MASP1: variants seen among roughly 807,000 people sequenced by gnomAD.
MASP1 encodes MBL associated serine protease 1.
A neutral mutation model predicts 77.1 loss-of-function variants in MASP1; 59 were observed. That is an observed-to-expected ratio of 0.77 (90% CI 0.62 to 0.95). MASP1 has a LOEUF of 0.95. MASP1 is among the 40% of genes least tolerant of loss of function. MASP1 has a pLI of 0.00. For missense variants in MASP1, 885 were observed against 912.9 expected (o/e 0.97, Z 0.39); for synonymous variants, 362 against 354.5 (o/e 1.02, Z -0.24).
downstream of MASP1, chr3:187,229,627 A>G: frequency 8.3e-7 from 1 of 1,207,956 alleles, no homozygotes; most frequent in Non-Finnish European, 1.2e-6. Context: ...TCTAGCCGAG[A>G]ACTCTTTCTA....
chr3:187,291,564 C>A (rs1477594420), intron 1 of MASP1, 64 bp downstream of exon 1: 35 of 1,608,336 alleles, frequency 2.2e-5, no homozygotes, highest in Admixed American at 3.3e-5. Flanking sequence ...AAGGTCAGAC[C>A]TTCCCTGCTA....
chr3:187,271,801 G>T (rs182292002), intron 2 of MASP1, among the ~76,000 whole-genome samples: 1 of 152,152 alleles, frequency 6.6e-6, no homozygotes, highest in Admixed American at 6.6e-5. Context: ...GAAGTGCAGG[G>T]TCATTCATCT....
At chr3:187,289,118 AG>A (rs1367238812) in intron 1 of MASP1, among the ~76,000 whole-genome samples, 1 of 152,186 alleles carries the variant, frequency 6.6e-6, no homozygotes, top group Non-Finnish European at 1.5e-5. Context: ...CTAATCAAAA[AG>A]TTTAGCTACA....
Position 187,236,070 on chromosome 3 carries a change from T to C in MASP1, c.1801A>G (p.Thr601Ala), listed in dbSNP as rs758920871. The C allele has an allele frequency of 6.2e-7, 1 of 1,614,092 alleles. No homozygotes were observed. Among genetic ancestry groups the C allele is most frequent in the Non-Finnish European group, 8.5e-7 (1 of 1,180,038 alleles). The change falls in exon 11 of 11, where the codon ACA (threonine) becomes GCA (alanine). Residue 601 changes from threonine (T) to alanine (A), a missense_variant. Coordinates refer to ENST00000296280, the MANE Select transcript of MASP1 (RefSeq NM_139125.4). ...CCACTGCTGATGATCTCATCCACTG[T>C]CACATTGGGATTGGAGATGCCCCAG... is the stretch of plus-strand genomic sequence containing the variant. ...AGWGISNPNV[T>A]VDEIISSGTR...
exon 16 of MASP1, chr3:187,219,831 A>G (rs1326708591): frequency 3.6e-6 from 2 of 561,102 alleles, no homozygotes; most frequent in Non-Finnish European, 6.5e-6. Flanking sequence ...TCACCTGCCC[A>G]GCACTGCAAA....
intron 2 of MASP1, among the ~76,000 whole-genome samples, chr3:187,278,583 A>G (rs955536582): frequency 1.3e-5 from 2 of 152,180 alleles, no homozygotes; most frequent in African/African-American, 4.8e-5. Flanking sequence ...TCAAAACTCA[A>G]TGCACTTCAG....
At chr3:187,226,660 T>C (rs146840365) in intron 11 of MASP1, 413 of 696,112 alleles carry the variant, frequency 5.9e-4, no homozygotes, top group Non-Finnish European at 9.2e-4. Context: ...TTGTATTTTA[T>C]GGCCCCCAAC....
Position 187,235,497 on chromosome 3 carries a change from C to T in MASP1, c.*187G>A. The T allele has an allele frequency of 6.5e-7, 1 of 1,527,172 alleles. No homozygotes were observed. The allele number at this position is 1,527,172 out of a possible 1,614,324, so 94.6% of individuals were successfully genotyped here. On this transcript the variant is annotated 3_prime_UTR_variant, in exon 11 of 11. Coordinates refer to ENST00000296280, the MANE Select transcript of MASP1 (RefSeq NM_139125.4). The stretch of plus-strand genomic sequence containing the variant: ...GGACAAGCTCAGGAACACAGGTCTC[C>T]TGCCTGGAGCCTTTTCCCTATACCA...
chr3:187,247,824 T>C (rs1405412771), intron 8 of MASP1, among the ~76,000 whole-genome samples: 1 of 152,192 alleles, frequency 6.6e-6, no homozygotes, highest in African/African-American at 2.4e-5. Flanking sequence ...ACCCCTCTTG[T>C]CTGGAAGCAG....
chr3:187,235,490 A>T lies in MASP1; in HGVS notation c.*194T>A. On this transcript the variant is annotated 3_prime_UTR_variant, in exon 11 of 11. Coordinates refer to ENST00000296280, the MANE Select transcript of MASP1 (RefSeq NM_139125.4). ...GAGACTTGGACAAGCTCAGGAACAC[A>T]GGTCTCCTGCCTGGAGCCTTTTCCC... The T allele has an allele frequency of 6.6e-7, 1 of 1,525,576 alleles. No individual in the cohort carries two copies. The highest frequency in any genetic ancestry group is 8.8e-7 in the Non-Finnish European group (1 of 1,141,692). The allele number at this position is 1,525,576 out of a possible 1,614,324, so 94.5% of individuals were successfully genotyped here. A position where few individuals can be genotyped will look rare whatever the true frequency, so the allele number is the denominator to read the frequency against.
intron 2 of MASP1, among the ~76,000 whole-genome samples, chr3:187,267,719 G>A (rs191391650): frequency 3.5e-4 from 54 of 152,326 alleles, no homozygotes; most frequent in African/African-American, 1.2e-3. Flanking sequence ...GCTTCTCAGA[G>A]ACCCTTTTCC....
chr3:187,232,110 C>T (rs1309427776), downstream of MASP1, among the ~76,000 whole-genome samples: 1 of 152,162 alleles, frequency 6.6e-6, no homozygotes, highest in African/African-American at 2.4e-5. Context: ...AACTTCCATC[C>T]TGGAGTCCTT....
chr3:187,247,516 A>C, intron 8 of MASP1: 1 of 1,004,466 alleles, frequency 1.0e-6, no homozygotes, highest in Non-Finnish European at 1.6e-6. Context: ...AAATTACTCC[A>C]CCAGAATTGA....
rs1233338433 is a variant in MASP1, at chr3:187,234,705, A to C, written c.*979T>G. On this transcript the variant is annotated 3_prime_UTR_variant, in exon 11 of 11. Transcript: ENST00000296280. ...GATTTGGGTGACTTCTAATGTGCCC[A>C]CCCCACTCTTTCTTCCATTTTCCTG... 1.6e-6 allele frequency: 2 copies of C among 1,286,832 alleles called. No homozygotes were observed. Among genetic ancestry groups the C allele is most frequent in the Non-Finnish European group, 2.0e-6 (2 of 988,644 alleles). The allele number at this position is 1,286,832 out of a possible 1,614,324, so 79.7% of individuals were successfully genotyped here. A position where few individuals can be genotyped will look rare whatever the true frequency, so the allele number is the denominator to read the frequency against.
intron 9 of MASP1, 70 bp downstream of exon 9, chr3:187,243,414 G>A (rs1713819560): frequency 6.5e-7 from 1 of 1,544,232 alleles, no homozygotes; most frequent in Non-Finnish European, 8.9e-7. Flanking sequence ...AGCTGTCTCG[G>A]CCCCCAGTCC....
At chr3:187,230,178 G>A (rs1239306887), downstream of MASP1, among the ~76,000 whole-genome samples, 3 of 152,222 alleles carry the variant, frequency 2.0e-5, no homozygotes, top group African/African-American at 7.2e-5. Flanking sequence ...CAATTGCTCA[G>A]AGATGGGAAT....
chr3:187,242,709 G>T, intron 9 of MASP1: 1 of 154,026 alleles, frequency 6.5e-6, no homozygotes, highest in Non-Finnish European at 1.4e-5. Context: ...ATGTCTCTAA[G>T]CATTTCTCCT....
At chr3:187,264,679 T>C (rs888516728) in intron 2 of MASP1, among the ~76,000 whole-genome samples, 1 of 152,174 alleles carries the variant, frequency 6.6e-6, no homozygotes, top group Non-Finnish European at 1.5e-5. Flanking sequence ...ACTTCTGAAG[T>C]CTTCTTTATG....
At chr3:187,260,645 G>A in intron 4 of MASP1, 96 bp downstream of exon 4, 2 of 1,540,388 alleles carry the variant, frequency 1.3e-6, no homozygotes, top group Admixed American at 1.7e-5. Flanking sequence ...ATTTTTACTT[G>A]TTCCTATTGC....
Sources: allele counts gnomAD v4.1 joint callset (sites outside exome capture counted in the v4.1 genomes callset), GRCh38; gene constraint gnomAD v4.1.1; transcripts MANE v1.5; gene names NCBI Gene and HGNC (gene_info 2026-07-23, HGNC 2026-07-21).